The following DGKI variants were observed in gnomAD, a reference collection of about 807,000 sequenced individuals.
DGKI encodes the protein diacylglycerol kinase iota, also known as DAG kinase iota.
In DGKI, 55 loss-of-function variants were observed where a neutral mutation model predicts 147.5. That is an observed-to-expected ratio of 0.37 (90% CI 0.30 to 0.47). The LOEUF (loss-of-function observed/expected upper bound fraction) is 0.47, where lower values mean the gene tolerates loss of function less well. Among genes scored for constraint, DGKI ranks in the 20% least tolerant of loss-of-function variants. The probability of loss-of-function intolerance (pLI) is 1.00; values close to 1 mark genes in which losing one functional copy is unlikely to be tolerated. For missense variants in DGKI, 1,007 were observed against 1,323.8 expected, an observed-to-expected ratio of 0.76 and a Z score of 3.71; for synonymous variants, 469 against 477.1, an observed-to-expected ratio of 0.98 and a Z score of 0.22.
chr7:137,642,468 C>T (rs1355770223), intron 6 of DGKI, among the ~76,000 whole-genome samples: 2 of 152,196 alleles, frequency 1.3e-5, no homozygotes, highest in African/African-American at 2.4e-5. Flanking sequence ...ATCCCCCATG[C>T]TTTTCACACA....
At chr7:137,821,650 G>GAA (rs760544126) in intron 1 of DGKI, among the ~76,000 whole-genome samples, 2,452 of 116,026 alleles carry the variant, frequency 0.021, 85 homozygotes, top group African/African-American at 0.071. Context: ...ACATACATCA[G>GAA]AAAAAAAAAA....
chr7:137,683,030 C>T (rs779804526), intron 2 of DGKI, among the ~76,000 whole-genome samples: 2 of 152,106 alleles, frequency 1.3e-5, no homozygotes, highest in African/African-American at 2.4e-5. Flanking sequence ...CAAATGCAGG[C>T]CTCTTCCCTT....
rs1818183854 is a variant in DGKI at position 137,555,222 on chromosome 7, T to C, written c.1948-2654A>G. On this transcript the variant is annotated intron_variant, in intron 19 of 32. Transcript: ENST00000614521. ...AGCCACTGTGCCTGGCCAAAATTATTTTCTTTATTAAAAATAAGAAATGGC... is the reference window on the plus strand; with the variant it reads ...AGCCACTGTGCCTGGCCAAAATTATCTTCTTTATTAAAAATAAGAAATGGC... Among the ~76,000 whole-genome samples the C allele has an allele frequency of 4.0e-5, 6 of 151,374 alleles. 1 individual carries two copies. In the South Asian group the frequency reaches 1.3e-3, roughly 32 times the overall value.
At chr7:137,783,839 A>C (rs1448677333) in intron 1 of DGKI, among the ~76,000 whole-genome samples, 1 of 152,190 alleles carries the variant, frequency 6.6e-6, no homozygotes, top group African/African-American at 2.4e-5. Flanking sequence ...CCTTAAGCAA[A>C]ACAGTTACCA....
At chr7:137,684,739 A>G (rs1823358666) in intron 2 of DGKI, among the ~76,000 whole-genome samples, 2 of 152,214 alleles carry the variant, frequency 1.3e-5, no homozygotes, top group South Asian at 4.1e-4. Context: ...GCTGCTCAAC[A>G]AACAGTCTCA....
intron 27 of DGKI, among the ~76,000 whole-genome samples, chr7:137,456,927 T>C (rs1458143263): frequency 2.6e-5 from 4 of 152,188 alleles, no homozygotes; most frequent in African/African-American, 9.7e-5. Context: ...TCCATATGCA[T>C]AACTGATTGA....
At chr7:137,816,087 T>G (rs1410101784) in intron 1 of DGKI, among the ~76,000 whole-genome samples, 1 of 152,134 alleles carries the variant, frequency 6.6e-6, no homozygotes, top group Admixed American at 6.6e-5. Flanking sequence ...ACAGGTCCCT[T>G]GAGTGCGATA....
At chr7:137,807,407 T>C (rs890697680) in intron 1 of DGKI, among the ~76,000 whole-genome samples, 3 of 152,218 alleles carry the variant, frequency 2.0e-5, no homozygotes, top group African/African-American at 7.2e-5. Context: ...AATTATTACA[T>C]TTATGCACGA....
intron 27 of DGKI, among the ~76,000 whole-genome samples, chr7:137,460,808 TGAAA>T (rs987733729): frequency 3.3e-5 from 5 of 152,158 alleles, no homozygotes; most frequent in African/African-American, 7.2e-5. Context: ...GTTTATGGCT[TGAAA>T]GAAAGATATA....
At chr7:137,524,828 A>G (rs1008663562) in intron 20 of DGKI, among the ~76,000 whole-genome samples, 2 of 152,152 alleles carry the variant, frequency 1.3e-5, no homozygotes, top group African/African-American at 2.4e-5. Context: ...AGGTATCAGG[A>G]CTAAGACCTC....
At chr7:137,502,471 A>G (rs911990296) in intron 21 of DGKI, among the ~76,000 whole-genome samples, 2 of 151,990 alleles carry the variant, frequency 1.3e-5, no homozygotes, top group African/African-American at 4.8e-5. Flanking sequence ...ACATGATATG[A>G]AAAAGGAGGA....
chr7:137,522,342 G>T (rs145792845), intron 20 of DGKI, among the ~76,000 whole-genome samples: 1 of 152,016 alleles, frequency 6.6e-6, no homozygotes, highest in Admixed American at 6.6e-5. Context: ...AGGCAGATAT[G>T]CACATCACAG....
chr7:137,645,266 G>C (rs1479452677), intron 6 of DGKI, among the ~76,000 whole-genome samples: 3 of 152,202 alleles, frequency 2.0e-5, no homozygotes, highest in African/African-American at 7.2e-5. Flanking sequence ...TTAAAAATGT[G>C]CTAATTCTTT....
chr7:137,786,658 C>A, intron 1 of DGKI, among the ~76,000 whole-genome samples: 1 of 144,008 alleles, frequency 6.9e-6, no homozygotes. Flanking sequence ...CCTGCATAGC[C>A]AAAGCAAGAC....
chr7:137,668,417 A>G (rs1822719331), intron 3 of DGKI, among the ~76,000 whole-genome samples: 1 of 152,224 alleles, frequency 6.6e-6, no homozygotes, highest in Admixed American at 6.5e-5. Flanking sequence ...AGGAATTCAG[A>G]CGTCCTGGAT....
Position 137,577,258 on chromosome 7 carries a change from T to C in DGKI, c.1725A>G (p.Arg575=). 1 of 1,601,066 alleles carries C rather than the reference T, an allele frequency of 6.2e-7. No individual in the cohort carries two copies. Among genetic ancestry groups the C allele is most frequent in the Non-Finnish European group, 8.5e-7 (1 of 1,171,488 alleles). The part of the protein sequence containing the change: ...AGAAFSDFLQ[R]SSRDLSKHVK... ...CATGTTTGGATAGATCTCTAGAACT[T>C]CTCTGTAGGAAGTCAGAAAAAGCTG... The change falls in exon 17 of 33, where the codon AGA becomes AGG. Residue 575 remains arginine, a synonymous_variant. Coordinates refer to ENST00000614521, the MANE Select transcript of DGKI (RefSeq NM_001321708.2).
At chr7:137,607,939 T>G (rs1029818424) in intron 10 of DGKI, among the ~76,000 whole-genome samples, 1 of 152,242 alleles carries the variant, frequency 6.6e-6, no homozygotes, top group Non-Finnish European at 1.5e-5. Context: ...CCATATCAAG[T>G]TTTTGAGAAT....
At chr7:137,683,983 TAA>T (rs145430359) in intron 2 of DGKI, among the ~76,000 whole-genome samples, 2,629 of 152,302 alleles carry the variant, frequency 0.017, 76 homozygotes, top group African/African-American at 0.061. Flanking sequence ...ATAACACAGA[TAA>T]AGAGTATGCT....
Position 137,530,950 on chromosome 7 carries a change from T to C in DGKI, c.2148-8984A>G, listed in dbSNP as rs115787630. ...TAGATATTATTGCAAATTTAAGTCT[T>C]ACGAAGATGCCGTCTTCTGCCCTGA... On this transcript the variant is annotated intron_variant, in intron 20 of 32. Coordinates refer to ENST00000614521, the MANE Select transcript of DGKI (RefSeq NM_001321708.2). Among the ~76,000 whole-genome samples the C allele has an allele frequency of 6.8e-3, 1,040 of 152,288 alleles. 8 individuals are homozygous for C. The highest frequency in any genetic ancestry group is 0.024 in the African/African-American group (994 of 41,542).
Sources: gnomAD v4.1 joint callset for allele counts (sites outside exome capture counted in the v4.1 genomes callset) on GRCh38, gnomAD v4.1.1 for gene constraint, MANE v1.5 for transcripts, NCBI Gene and HGNC (gene_info 2026-07-23, HGNC 2026-07-21) for gene names.